EPRS1: variants seen among roughly 807,000 people sequenced by gnomAD.
EPRS1 encodes the protein bifunctional glutamate/proline--tRNA ligase.
Under a neutral mutation model 188.3 loss-of-function variants are expected in EPRS1, and 107 were observed. The observed-to-expected ratio is 0.57, with a 90% CI of 0.49 to 0.67. The LOEUF (loss-of-function observed/expected upper bound fraction) is 0.67. Among genes scored for constraint, EPRS1 ranks in the 30% least tolerant of loss-of-function variants. The probability of loss-of-function intolerance (pLI) is 0.00; values close to 1 mark genes in which losing one functional copy is unlikely to be tolerated. For synonymous variants in EPRS1, 596 were observed against 593.1 expected (o/e 1.00, Z -0.07); for missense variants, 1,577 against 1,802.2 (o/e 0.88, Z 2.26).
At chr1:219,999,209 C>A (rs534466008) in intron 17 of EPRS1, among the ~76,000 whole-genome samples, 1 of 152,078 alleles carries the variant, frequency 6.6e-6, no homozygotes, top group African/African-American at 2.4e-5. Flanking sequence ...CAAAGATCTA[C>A]ACATCACAGG....
chr1:219,974,977 T>C (rs2102560090), intron 28 of EPRS1, among the ~76,000 whole-genome samples: 1 of 152,314 alleles, frequency 6.6e-6, no homozygotes, highest in East Asian at 1.9e-4. Flanking sequence ...TAAAAATTAA[T>C]AAGTAAATTA....
chr1:220,032,440 C>T lies in EPRS1; in HGVS notation c.475G>A (p.Ala159Thr), dbSNP rs1477223471. 6.2e-7 allele frequency: 1 copy of T among 1,613,556 alleles called. No individual in the cohort carries two copies. Among genetic ancestry groups the T allele is most frequent in the African/African-American group, 1.3e-5 (1 of 74,892 alleles). ...RWFGFLEAQQ[A>T]FQSVGTKWDV... is the part of the protein sequence containing the mutation. ...CACTTGGTACCTACTGACTGGAAGG[C>T]CTGCTGGGCTTCAAGAAAGCCAAAC... The change falls in exon 5 of 32, where the codon GCC (alanine) becomes ACC (threonine). Residue 159 changes from alanine to threonine, a missense_variant. By Grantham distance (58) the Ala-to-Thr change is moderately conservative (BLOSUM62 0). This residue lies in a region of EPRS1 where 1,278 missense variants were observed against 1,457.4 expected (regional missense o/e 0.88). Transcript: ENST00000366923.
intron 18 of EPRS1, among the ~76,000 whole-genome samples, chr1:219,994,501 AAAT>A (rs1255773521): frequency 1.3e-5 from 2 of 152,148 alleles, no homozygotes; most frequent in Admixed American, 6.5e-5. Flanking sequence ...TGTAATGCAA[AAAT>A]AATAATTTTA....
chr1:220,004,258 T>C (rs1442360300), intron 16 of EPRS1, among the ~76,000 whole-genome samples: 1 of 152,182 alleles, frequency 6.6e-6, no homozygotes, highest in Non-Finnish European at 1.5e-5. Context: ...GGTCTTGAAC[T>C]CCTGGCCTCA....
In EPRS1 at chr1:219,973,354, G is replaced by C; in HGVS notation, c.4128C>G (p.Ser1376Arg). 6.2e-7 allele frequency: 1 copy of C among 1,612,052 alleles called. No individual in the cohort carries two copies. Among genetic ancestry groups the C allele is most frequent in the Non-Finnish European group, 8.5e-7 (1 of 1,179,408 alleles). The change falls in exon 29 of 32, where the codon AGC (serine) becomes AGG (arginine). Residue 1376 changes from serine (S) to arginine (R), a missense_variant. This residue lies in a region of EPRS1 where 296 missense variants were observed against 327.9 expected (regional missense o/e 0.90). Coordinates refer to ENST00000366923, the MANE Select transcript of EPRS1 (RefSeq NM_004446.3). ...RLEVGPRDMK[S>R]CQFVAVRRDT... Reference sequence around the variant, plus strand: ...CTCGTCTGACGGCTACAAACTGACAGCTCTTCATATCACGTGGCCCAACTT... The same window carrying C: ...CTCGTCTGACGGCTACAAACTGACACCTCTTCATATCACGTGGCCCAACTT...
intron 2 of EPRS1, 151 bp downstream of exon 2, chr1:220,040,034 G>A (rs1662262654): frequency 6.9e-6 from 4 of 575,628 alleles, no homozygotes; most frequent in African/African-American, 5.7e-5. Context: ...TCGGGAGGCT[G>A]GGATGGCAGG....
chr1:220,045,423 G>A (rs1662382459), intron 1 of EPRS1, among the ~76,000 whole-genome samples: 1 of 152,140 alleles, frequency 6.6e-6, no homozygotes, highest in African/African-American at 2.4e-5. Context: ...AGGATCATCT[G>A]AGCCCGGAAG....
At chr1:220,033,045 T>A (rs570760829) in intron 4 of EPRS1, among the ~76,000 whole-genome samples, 11 of 152,182 alleles carry the variant, frequency 7.2e-5, no homozygotes, top group Non-Finnish European at 1.0e-4. Flanking sequence ...TGTTCCAAAC[T>A]AGTTGTAGAA....
chr1:220,024,635 T>C (rs1347761981), intron 7 of EPRS1, among the ~76,000 whole-genome samples, 179 bp from the exon 8 acceptor site: 1 of 152,202 alleles, frequency 6.6e-6, no homozygotes, highest in African/African-American at 2.4e-5. Context: ...AGATACTCAT[T>C]ATATTAGCCT....
chr1:219,999,533 G>C (rs1031050238), intron 17 of EPRS1, among the ~76,000 whole-genome samples: 3 of 152,106 alleles, frequency 2.0e-5, no homozygotes, highest in African/African-American at 7.2e-5. Context: ...CTCACTTTTG[G>C]AGGCCTTAAA....
chr1:219,991,440 C>T (rs1661120854), intron 18 of EPRS1, among the ~76,000 whole-genome samples: 1 of 152,060 alleles, frequency 6.6e-6, no homozygotes, highest in Admixed American at 6.6e-5. Flanking sequence ...ATGATGACTC[C>T]TGAAAGCAGA....
intron 12 of EPRS1, 60 bp downstream of exon 12, chr1:220,018,388 TA>T: frequency 1.6e-6 from 2 of 1,286,056 alleles, no homozygotes; most frequent in Non-Finnish European, 2.3e-6. Context: ...TAATGACTTC[TA>T]CTTGTACATT....
Position 219,983,236 on chromosome 1 carries a change from T to C in EPRS1, c.3253A>G (p.Ser1085Gly), listed in dbSNP as rs747976985. Residue 1085 changes from serine (S) to glycine (G), a missense_variant, in exon 22 of 32, where the codon AGT (serine) becomes GGT (glycine). Around this residue, in one of 3 missense-constraint regions of EPRS1, gnomAD observed 1,278 missense variants for 1,457.4 expected, o/e 0.88. Coordinates refer to ENST00000366923, the MANE Select transcript of EPRS1 (RefSeq NM_004446.3). ...TGAGTCTTCTCTTTCTCTAATGCAC[T>C]TTGAGACACAAACATGGGGAAGTAG... ...NCYFPMFVSQ[S>G]ALEKEKTHVA... The C allele has an allele frequency of 6.2e-6, 10 of 1,614,010 alleles. No individual in the cohort carries two copies. In the South Asian group the frequency reaches 9.9e-5, roughly 16 times the overall value.
At chr1:220,020,827 TATATA>T (rs1558057800) in intron 9 of EPRS1, among the ~76,000 whole-genome samples, 28 of 2,368 alleles carry the variant, frequency 0.012, no homozygotes, top group African/African-American at 0.028. Flanking sequence ...TTTGAATTTA[TATATA>T]TATATATATA....
At chr1:220,039,179 T>G (rs1662246133) in intron 2 of EPRS1, among the ~76,000 whole-genome samples, 1 of 152,188 alleles carries the variant, frequency 6.6e-6, no homozygotes, top group Admixed American at 6.5e-5. Context: ...AACATTCCCC[T>G]GTCTGAAACT....
chr1:220,014,379 T>C (rs1455534361), intron 12 of EPRS1, among the ~76,000 whole-genome samples: 3 of 151,430 alleles, frequency 2.0e-5, no homozygotes, highest in East Asian at 1.9e-4. Context: ...CTGAAAAACA[T>C]AGAAGCATCC....
At chr1:220,036,729 T>C (rs574313708) in intron 2 of EPRS1, among the ~76,000 whole-genome samples, 1 of 152,226 alleles carries the variant, frequency 6.6e-6, no homozygotes, top group Non-Finnish European at 1.5e-5. Context: ...AACTATTGGA[T>C]GGCTTAGTAC....
intron 1 of EPRS1, among the ~76,000 whole-genome samples, chr1:220,042,574 A>G (rs900939510): frequency 2.0e-5 from 3 of 151,964 alleles, no homozygotes; most frequent in African/African-American, 7.2e-5. Flanking sequence ...CATCGAAATA[A>G]ATGAGATCAA....
Position 220,007,347 on chromosome 1 carries a change from T to G in EPRS1, c.1606-9A>C, listed in dbSNP as rs1237031515. 1 of 1,602,028 alleles carries G rather than the reference T, an allele frequency of 6.2e-7. No individual in the cohort carries two copies. Among genetic ancestry groups the G allele is most frequent in the East Asian group, 2.2e-5 (1 of 44,768 alleles). On this transcript the variant is annotated splice_polypyrimidine_tract_variant and intron_variant, in intron 13 of 31. Transcript: ENST00000366923. ...AAGCCAACCTCAGGATTCTGATTGATAAAGAAAAGCAGAGTGTCTGTTGAA... is the reference window on the plus strand; with the variant it reads ...AAGCCAACCTCAGGATTCTGATTGAGAAAGAAAAGCAGAGTGTCTGTTGAA...
Sources: allele counts gnomAD v4.1 joint callset (sites outside exome capture counted in the v4.1 genomes callset), GRCh38; gene constraint gnomAD v4.1.1; regional missense constraint gnomAD v4.1.1; transcripts MANE v1.5; gene names NCBI Gene and HGNC (gene_info 2026-07-23, HGNC 2026-07-21).